The following CFAP54 variants were observed in gnomAD, a reference collection of about 807,000 sequenced individuals.
CFAP54 encodes cilia- and flagella-associated protein 54.
A neutral mutation model predicts 370.4 loss-of-function variants in CFAP54; 290 were observed. That is an observed-to-expected ratio of 0.78 (90% CI 0.71 to 0.86). The LOEUF (loss-of-function observed/expected upper bound fraction) is 0.86, where lower values mean the gene tolerates loss of function less well. Among genes scored for constraint, CFAP54 ranks in the 40% least tolerant of loss-of-function variants. The pLI is 0.00. For missense variants in CFAP54, 3,399 were observed against 3,528.7 expected (o/e 0.96, Z 0.93); for synonymous variants, 1,206 against 1,236.5 (o/e 0.98, Z 0.52).
intron 39 of CFAP54, among the ~76,000 whole-genome samples, chr12:96,679,112 TC>T (rs1229156989): frequency 1.3e-5 from 2 of 152,254 alleles, no homozygotes; most frequent in Non-Finnish European, 2.9e-5. Flanking sequence ...CTATACCCAC[TC>T]CTGGGTCCCC....
chr12:96,842,368 C>T (rs1592803501), intron 66 of CFAP54, among the ~76,000 whole-genome samples: 7 of 152,252 alleles, frequency 4.6e-5, no homozygotes, highest in Admixed American at 4.6e-4. Context: ...GACAGTGATA[C>T]AATCAGGATA....
At chr12:96,549,624 A>G (rs1449412940) in intron 15 of CFAP54, among the ~76,000 whole-genome samples, 8 of 152,178 alleles carry the variant, frequency 5.3e-5, no homozygotes, top group African/African-American at 1.7e-4. Context: ...CTGGATTCTG[A>G]TATTGACTAT....
chr12:96,598,863 T>C lies in CFAP54; in HGVS notation c.3639+96T>C, dbSNP rs1239143180. ...ATCACAATAAGAACACTTTTAAAAATGGCACCCTAAAAGCATTTTTAGATC... is the reference window on the plus strand; with the variant it reads ...ATCACAATAAGAACACTTTTAAAAACGGCACCCTAAAAGCATTTTTAGATC... On this transcript the variant is annotated intron_variant, in intron 26 of 67. Coordinates refer to ENST00000524981, the MANE Select transcript of CFAP54 (RefSeq NM_001306084.2). 2.0e-5 allele frequency: 8 copies of C among 400,434 alleles called. No homozygotes were observed. The East Asian group carries it at 2.8e-4, about 14-fold the overall frequency. 24.8% of individuals were successfully genotyped at this position (400,434 alleles called of 1,614,324 possible). A position where few individuals can be genotyped will look rare whatever the true frequency, so the allele number is the denominator to read the frequency against.
At chr12:96,708,309 A>G (rs1179098143) in intron 47 of CFAP54, among the ~76,000 whole-genome samples, 1 of 152,114 alleles carries the variant, frequency 6.6e-6, no homozygotes, top group African/African-American at 2.4e-5. Flanking sequence ...CAGTTTGTCT[A>G]TTTTGATAAA....
In CFAP54 at chr12:96,684,653, C is replaced by G. The variant is rs763234756; in HGVS notation, c.5722C>G (p.Leu1908Val). The G allele has an allele frequency of 6.2e-7, 1 of 1,610,082 alleles. No individual in the cohort carries two copies. Among genetic ancestry groups the G allele is most frequent in the Non-Finnish European group, 8.5e-7 (1 of 1,178,094 alleles). The change falls in exon 41 of 68, where the codon CTC becomes GTC. Residue 1908 changes from leucine to valine, a missense_variant. Coordinates refer to ENST00000524981, the MANE Select transcript of CFAP54 (RefSeq NM_001306084.2). ...SLFLAQTQDV[L>V]QASNQRSLKV... ...TTACTTGATTAAAAATATAGATGTTCTCCAAGCCAGCAATCAAAGAAGTCT... is the reference window on the plus strand; with the variant it reads ...TTACTTGATTAAAAATATAGATGTTGTCCAAGCCAGCAATCAAAGAAGTCT...
At chr12:96,766,866 T>C (rs929012934) in intron 60 of CFAP54, among the ~76,000 whole-genome samples, 7 of 152,188 alleles carry the variant, frequency 4.6e-5, no homozygotes, top group African/African-American at 1.7e-4. Flanking sequence ...TAAAACTCAG[T>C]GGCCTACAAC....
At chr12:96,670,655 A>C (rs1328819115) in intron 39 of CFAP54, among the ~76,000 whole-genome samples, 2 of 152,216 alleles carry the variant, frequency 1.3e-5, no homozygotes, top group African/African-American at 4.8e-5. Context: ...GATGAGGCCT[A>C]AGAGCTGGGA....
chr12:96,722,233 C>T (rs1227966054), intron 50 of CFAP54, among the ~76,000 whole-genome samples: 1 of 152,180 alleles, frequency 6.6e-6, no homozygotes, highest in African/African-American at 2.4e-5. Context: ...CTTGCAAGGT[C>T]TCTTTATGTG....
At chr12:96,841,307 A>T (rs1959213311) in intron 66 of CFAP54, among the ~76,000 whole-genome samples, 1 of 152,240 alleles carries the variant, frequency 6.6e-6, no homozygotes, top group South Asian at 2.1e-4. Context: ...CAGGGGAATC[A>T]TTAGCAAATC....
chr12:96,489,947 G>A, intron 1 of CFAP54, 21 bp downstream of exon 1: 1 of 1,520,054 alleles, frequency 6.6e-7, no homozygotes, highest in Non-Finnish European at 8.8e-7. Flanking sequence ...GCGGGGCACT[G>A]GGGAGGGCGC....
At chr12:96,708,861 C>A in intron 48 of CFAP54, 58 bp downstream of exon 48, 1 of 1,312,446 alleles carries the variant, frequency 7.6e-7, no homozygotes, top group Non-Finnish European at 1.1e-6. Flanking sequence ...AACTGTTCTC[C>A]CAGCCCCCAC....
intron 26 of CFAP54, among the ~76,000 whole-genome samples, chr12:96,610,212 G>A (rs1216845554): frequency 6.6e-6 from 1 of 152,222 alleles, no homozygotes; most frequent in Non-Finnish European, 1.5e-5. Context: ...GAAAATGATA[G>A]TGTGTTATAA....
At chr12:96,743,287 C>A in intron 52 of CFAP54, 115 bp from the exon 53 acceptor site, 2 of 969,988 alleles carry the variant, frequency 2.1e-6, no homozygotes, top group Non-Finnish European at 1.5e-6. Flanking sequence ...TCTTAATATA[C>A]TCCCCTGTTC....
rs4018882 is a variant in CFAP54, at chr12:96,535,008, CTGTGTGTG to C, written c.1706-469_1706-462del. On this transcript the variant is annotated intron_variant, in intron 11 of 67. Transcript: ENST00000524981. ...GAGCCACTAAGATTAGTTTTCTTTTCTGTGTGTGTGTGTGTGTGTGTGTGTGTGTGTGT... is the reference window on the plus strand; with the variant it reads ...GAGCCACTAAGATTAGTTTTCTTTTCTGTGTGTGTGTGTGTGTGTGTGTGT... Among the ~76,000 whole-genome samples, 1,145 of 137,416 alleles carry C rather than the reference CTGTGTGTG, an allele frequency of 8.3e-3. 7 individuals are homozygous for C. Among genetic ancestry groups the C allele is most frequent in the African/African-American group, 0.012 (446 of 36,120 alleles). 90.2% of individuals were successfully genotyped at this position (137,416 alleles called of 152,430 possible). A position where few individuals can be genotyped will look rare whatever the true frequency, so the allele number is the denominator to read the frequency against.
At chr12:96,512,721 A>G (rs758282958) in intron 4 of CFAP54, among the ~76,000 whole-genome samples, 2 of 152,216 alleles carry the variant, frequency 1.3e-5, no homozygotes, top group Non-Finnish European at 2.9e-5. Flanking sequence ...TTTGTTCATT[A>G]TACTTCAAAA....
intron 39 of CFAP54, among the ~76,000 whole-genome samples, chr12:96,666,338 G>A (rs1957080554): frequency 6.6e-6 from 1 of 152,140 alleles, no homozygotes; most frequent in African/African-American, 2.4e-5. Context: ...CTTTTAACTA[G>A]AGCACAGGAG....
intron 1 of CFAP54, among the ~76,000 whole-genome samples, chr12:96,494,137 A>C (rs990493162): frequency 7.2e-5 from 11 of 152,190 alleles, no homozygotes; most frequent in African/African-American, 2.7e-4. Context: ...ATCCATTCCT[A>C]CTTCGGAGGA....
At chr12:96,556,261 C>T (rs904227615) in intron 17 of CFAP54, among the ~76,000 whole-genome samples, 1 of 151,572 alleles carries the variant, frequency 6.6e-6, no homozygotes, top group African/African-American at 2.4e-5. Flanking sequence ...TACATTAATA[C>T]ATTTGGCTGC....
rs1592815899 is a variant in CFAP54, at chr12:96,501,057, A to G, written c.423+118A>G. 5 of 563,886 alleles carry G rather than the reference A, an allele frequency of 8.9e-6. No homozygotes were observed. The East Asian group carries it at 1.6e-4, about 18-fold the overall frequency. 34.9% of individuals were successfully genotyped at this position (563,886 alleles called of 1,614,324 possible). Reference sequence around the variant, plus strand: ...TTTGATTTTTCTCTTAGAAAAAAATAAATGAGTACATAAAAATTTTAATAA... The same window carrying G: ...TTTGATTTTTCTCTTAGAAAAAAATGAATGAGTACATAAAAATTTTAATAA... On this transcript the variant is annotated intron_variant, in intron 2 of 67. Transcript: ENST00000524981.
Sources: allele counts gnomAD v4.1 joint callset (sites outside exome capture counted in the v4.1 genomes callset), GRCh38; gene constraint gnomAD v4.1.1; transcripts MANE v1.5; gene names NCBI Gene and HGNC (gene_info 2026-07-23, HGNC 2026-07-21).